The following SIM1 variants were observed in gnomAD, a reference collection of about 807,000 sequenced individuals.
SIM1 encodes single-minded homolog 1.
SIM1 carries 18 observed loss-of-function variants against 78.2 expected under a neutral mutation model. The observed-to-expected ratio is 0.23, with a 90% CI of 0.16 to 0.34. The LOEUF is 0.34. Ranked by LOEUF, SIM1 falls within the 10% of genes least tolerant of loss-of-function variation. The pLI is 1.00. For synonymous variants in SIM1, 417 were observed against 385.2 expected, an observed-to-expected ratio of 1.08 and a Z score of -0.97; for missense variants, 939 against 975.1, an observed-to-expected ratio of 0.96 and a Z score of 0.49.
At chr6:100,402,565 C>CTTTTTTT (rs1279941987) in intron 10 of SIM1, among the ~76,000 whole-genome samples, 1 of 106,174 alleles carries the variant, frequency 9.4e-6, no homozygotes, top group African/African-American at 3.3e-5. Context: ...CTTTTCTTTT[C>CTTTTTTT]TCTTTTTTTT....
chr6:100,448,030 C>T, intron 8 of SIM1, 116 bp downstream of exon 8: 1 of 782,292 alleles, frequency 1.3e-6, no homozygotes, highest in South Asian at 1.8e-5. Flanking sequence ...CCACCACCAC[C>T]CGGCTCCCTG....
intron 8 of SIM1, 24 bp from the exon 9 acceptor site, chr6:100,447,439 T>C (rs979725255): frequency 6.2e-7 from 1 of 1,613,994 alleles, no homozygotes. Context: ...AGGAGGCAGA[T>C]GGTGGTGAAC....
At chr6:100,454,855 C>T (rs1772606304) in intron 2 of SIM1, among the ~76,000 whole-genome samples, 1 of 152,104 alleles carries the variant, frequency 6.6e-6, no homozygotes, top group Admixed American at 6.5e-5. Context: ...CTTTCGAAGA[C>T]CTGTGTTAAG....
At chr6:100,450,696 T>TCTCTCTCTCACACACACA (rs1421452803) in intron 3 of SIM1, among the ~76,000 whole-genome samples, 19 of 91,928 alleles carry the variant, frequency 2.1e-4, no homozygotes, top group South Asian at 4.7e-4. Context: ...TCTCTCTCTC[T>TCTCTCTCTCACACACACA]CACACACACA....
intron 1 of SIM1, 84 bp from the exon 2 acceptor site, chr6:100,464,019 C>A (rs3811076): frequency 0.022 from 3,283 of 152,250 alleles, 44 homozygotes; most frequent in East Asian, 0.043. Flanking sequence ...AAAACACGGC[C>A]GGAAAGGGCC....
At chr6:100,448,013 T>A in intron 8 of SIM1, 133 bp downstream of exon 8, 1 of 673,084 alleles carries the variant, frequency 1.5e-6, no homozygotes, top group Non-Finnish European at 2.5e-6. Flanking sequence ...TCAGGAGGCC[T>A]CACACACCAC....
At chr6:100,464,425 AC>A (rs1772938215) in intron 1 of SIM1, among the ~76,000 whole-genome samples, 188 bp downstream of exon 1, 1 of 152,166 alleles carries the variant, frequency 6.6e-6, no homozygotes, top group Non-Finnish European at 1.5e-5. Flanking sequence ...TCCCAAGGCG[AC>A]CCAGCGCTCT....
intron 2 of SIM1, among the ~76,000 whole-genome samples, chr6:100,460,799 CTGTTGT>C (rs531935577): frequency 3.9e-5 from 6 of 151,960 alleles, no homozygotes; most frequent in South Asian, 2.1e-4. Context: ...CCTTTGAAAG[CTGTTGT>C]TGTTGTTGTT....
At position 100,390,554 on chromosome 6, in the gene SIM1, C is replaced by T. The variant is rs376058205; in HGVS notation, c.2108G>A (p.Arg703Gln). The T allele has an allele frequency of 2.0e-5, 32 of 1,613,984 alleles. No individual in the cohort carries two copies. The highest frequency in any genetic ancestry group is 2.3e-5 in the Non-Finnish European group (27 of 1,180,024). Residue 703 changes from arginine to glutamine, a missense_variant, in exon 12 of 12, where the codon CGG (arginine) becomes CAG (glutamine). Arg to Gln is a conservative substitution (Grantham distance 43). Transcript: ENST00000369208. ...GTAAGCATGCTTGTCAAAATACTGCCGGTGAGAGCCAAAGCAGTTTGGAGA... is the reference window on the plus strand; with the variant it reads ...GTAAGCATGCTTGTCAAAATACTGCTGGTGAGAGCCAAAGCAGTTTGGAGA... ...TVSPNCFGSHRQYFDKHAYTL... is the reference protein window; with the variant it reads ...TVSPNCFGSHQQYFDKHAYTL...
chr6:100,385,033 T>A lies in SIM1; in HGVS notation c.*5328A>T, dbSNP rs1189199369. On this transcript the variant is annotated 3_prime_UTR_variant, in exon 12 of 12. Transcript: ENST00000369208. ...CTCAAAGTGCATATTGGTAACTATA[T>A]TTTAAACCAAAAAATTCCTCACATA... The A allele has an allele frequency of 6.6e-6, 1 of 152,074 alleles. No individual in the cohort carries two copies. The highest frequency in any genetic ancestry group is 1.5e-5 in the Non-Finnish European group (1 of 67,982). The allele number at this position is 152,074 out of a possible 1,614,324, so 9.4% of individuals were successfully genotyped here.
chr6:100,388,584 C>T lies in SIM1; in HGVS notation c.*1777G>A, dbSNP rs114497013. 2.8e-4 allele frequency: 43 copies of T among 152,262 alleles called. No homozygotes were observed. Among genetic ancestry groups the T allele is most frequent in the African/African-American group, 9.9e-4 (41 of 41,562 alleles). 9.4% of individuals were successfully genotyped at this position (152,262 alleles called of 1,614,324 possible). On this transcript the variant is annotated 3_prime_UTR_variant, in exon 12 of 12. Transcript: ENST00000369208. ...TTCATATTATCGTTCAGATTGTCAC[C>T]TACCTATGGACTGTGAAATAACTGT... is the stretch of plus-strand genomic sequence containing the variant.
At chr6:100,450,038 C>T (rs938697593) in intron 4 of SIM1, among the ~76,000 whole-genome samples, 4 of 152,210 alleles carry the variant, frequency 2.6e-5, no homozygotes, top group African/African-American at 7.2e-5. Flanking sequence ...TCTGGCTTGA[C>T]GTAGGGACTC....
In SIM1 at chr6:100,393,802, G is replaced by C; in HGVS notation, c.1255C>G (p.Leu419Val). Residue 419 changes from leucine to valine, a missense_variant, in exon 11 of 12, where the codon CTT becomes GTT. By Grantham distance (32) the Leu-to-Val change is conservative. Transcript: ENST00000369208. ...SPLTDTASPQ[L>V]LDPADRPGSQ... ...CCAGGCCTATCGGCGGGGTCCAGAA[G>C]CTGCGGAGAGGCCGTGTCGGTCAAG... 6.2e-7 allele frequency: 1 copy of C among 1,613,852 alleles called. No homozygotes were observed. The highest frequency in any genetic ancestry group is 8.5e-7 in the Non-Finnish European group (1 of 1,179,872).
At chr6:100,441,607 A>G (rs937401768) in intron 9 of SIM1, among the ~76,000 whole-genome samples, 4 of 152,240 alleles carry the variant, frequency 2.6e-5, no homozygotes, top group African/African-American at 9.6e-5. Flanking sequence ...GCAATAATGT[A>G]CTTCTATAAT....
rs199831051 is a variant in SIM1 at position 100,390,939 on chromosome 6, T to C, written c.1723A>G (p.Ile575Val). Residue 575 changes from isoleucine to valine, a missense_variant, in exon 12 of 12, where the codon ATT (isoleucine) becomes GTT (valine). By Grantham distance (29) the Ile-to-Val change is conservative. Around this residue, in one of 5 missense-constraint regions of SIM1, gnomAD observed 556 missense variants for 521.9 expected, o/e 1.07. Coordinates refer to ENST00000369208, the MANE Select transcript of SIM1 (RefSeq NM_005068.3). ...TGTAATCTGTTCTCTTCTTCTTTAA[T>C]CATTTGCTGAGTGGCTCTTATAAGA... The part of the protein sequence containing the change: ...ETLIRATQQM[I>V]KEEENRLQLR... 1.2e-5 allele frequency: 19 copies of C among 1,614,062 alleles called. No homozygotes were observed. Among genetic ancestry groups the C allele is most frequent in the Non-Finnish European group, 1.4e-5 (17 of 1,180,050 alleles).
chr6:100,390,193 G>A lies in SIM1; in HGVS notation c.*168C>T, dbSNP rs1770601084. On this transcript the variant is annotated 3_prime_UTR_variant, in exon 12 of 12. Transcript: ENST00000369208. ...AGCTCCCTTTTCTGTGTATAACCCT[G>A]AATGCTAGTGCTATGTTTTCTTTGA... The A allele has an allele frequency of 4.2e-6, 3 of 714,144 alleles. No homozygotes were observed. Among genetic ancestry groups the A allele is most frequent in the Non-Finnish European group, 6.8e-6 (3 of 442,462 alleles). 44.2% of individuals were successfully genotyped at this position (714,144 alleles called of 1,614,324 possible). A position where few individuals can be genotyped will look rare whatever the true frequency, so the allele number is the denominator to read the frequency against.
rs551809573 is a variant in SIM1, at chr6:100,421,745, C to T, written c.999-787G>A. Among the ~76,000 whole-genome samples, 3 of 152,192 alleles carry T rather than the reference C, an allele frequency of 2.0e-5. No individual in the cohort carries two copies. The South Asian group carries it at 6.2e-4, about 32-fold the overall frequency. ...CCTGAAGATGACAGCCTTGGCCTGC[C>T]CATAGATACAACCTCTGCTGGCTTC... On this transcript the variant is annotated intron_variant, in intron 9 of 11. Transcript: ENST00000369208.
At chr6:100,441,020 A>G (rs2114531162) in intron 9 of SIM1, among the ~76,000 whole-genome samples, 1 of 152,354 alleles carries the variant, frequency 6.6e-6, no homozygotes, top group South Asian at 2.1e-4. Flanking sequence ...CATATGAGGC[A>G]GTGATCCGTA....
chr6:100,395,766 G>T (rs1237681184), intron 10 of SIM1, among the ~76,000 whole-genome samples: 1 of 152,152 alleles, frequency 6.6e-6, no homozygotes, highest in African/African-American at 2.4e-5. Context: ...TCCCATTTCA[G>T]TAAAAAGAGG....
Sources: gnomAD v4.1 joint callset for allele counts (sites outside exome capture counted in the v4.1 genomes callset) on GRCh38, gnomAD v4.1.1 for gene constraint, gnomAD v4.1.1 regional missense constraint, MANE v1.5 for transcripts, NCBI Gene and HGNC (gene_info 2026-07-23, HGNC 2026-07-21) for gene names.